Variants in TRPM3 observed in about 807,000 individuals in gnomAD.
TRPM3 encodes the protein long transient receptor potential channel 3.
Under a neutral mutation model 181.2 loss-of-function variants are expected in TRPM3, and 77 were observed. That is an observed-to-expected ratio of 0.42 (90% CI 0.35 to 0.51). TRPM3 has a LOEUF of 0.51. Ranked by LOEUF, TRPM3 falls within the 20% of genes least tolerant of loss-of-function variation. The pLI is 0.01. For synonymous variants in TRPM3, 745 were observed against 796.4 expected (o/e 0.94, Z 1.09); for missense variants, 1,759 against 2,196.7 (o/e 0.80, Z 3.98).
chr9:70,918,340 T>C (rs879867037), intron 1 of TRPM3, among the ~76,000 whole-genome samples: 3 of 152,136 alleles, frequency 2.0e-5, no homozygotes, highest in Non-Finnish European at 4.4e-5. Flanking sequence ...CCTCAACACA[T>C]GGATCATTCT....
chr9:70,601,455 G>A (rs959327844), intron 20 of TRPM3, among the ~76,000 whole-genome samples: 3 of 152,102 alleles, frequency 2.0e-5, no homozygotes, highest in South Asian at 2.1e-4. Flanking sequence ...GAGGTCCTGC[G>A]TGCTGACTGT....
At chr9:70,894,781 T>C (rs2096259190) in intron 1 of TRPM3, among the ~76,000 whole-genome samples, 1 of 152,214 alleles carries the variant, frequency 6.6e-6, no homozygotes, top group Non-Finnish European at 1.5e-5. Context: ...AGTAGTATCA[T>C]AACAACATCA....
intron 1 of TRPM3, among the ~76,000 whole-genome samples, chr9:71,013,203 GATA>G (rs1299216706): frequency 1.3e-5 from 2 of 151,956 alleles, no homozygotes; most frequent in Non-Finnish European, 2.9e-5. Flanking sequence ...TTTCTTTGGA[GATA>G]ATATGACTTT....
chr9:71,329,841 T>C (rs958253636), intron 1 of TRPM3, among the ~76,000 whole-genome samples: 1 of 152,208 alleles, frequency 6.6e-6, no homozygotes, highest in African/African-American at 2.4e-5. Context: ...AGGAGGATTC[T>C]TGAGCACCTG....
intron 21 of TRPM3, among the ~76,000 whole-genome samples, chr9:70,591,997 G>A (rs936704744): frequency 3.3e-5 from 5 of 152,106 alleles, no homozygotes; most frequent in African/African-American, 7.2e-5. Context: ...AATCCTCCAG[G>A]CTGCTCTCTA....
At chr9:70,903,440 C>T (rs1213870921) in intron 1 of TRPM3, among the ~76,000 whole-genome samples, 1 of 152,034 alleles carries the variant, frequency 6.6e-6, no homozygotes, top group African/African-American at 2.4e-5. Flanking sequence ...GTGAATGGAG[C>T]TTCCATCCAT....
At chr9:70,755,106 G>A (rs1475981873) in intron 8 of TRPM3, among the ~76,000 whole-genome samples, 1 of 152,064 alleles carries the variant, frequency 6.6e-6, no homozygotes, top group Non-Finnish European at 1.5e-5. Flanking sequence ...CCCGGATGTG[G>A]AGATAAATTG....
At chr9:70,610,511 C>CACTT (rs1175169013) in intron 19 of TRPM3, 98 bp downstream of exon 19, 6 of 1,418,532 alleles carry the variant, frequency 4.2e-6, no homozygotes, top group East Asian at 2.3e-5. Context: ...CTGTGTGTGG[C>CACTT]ACTTACGACT....
intron 1 of TRPM3, among the ~76,000 whole-genome samples, chr9:71,422,649 G>A (rs561269698): frequency 3.3e-5 from 5 of 152,032 alleles, no homozygotes; most frequent in African/African-American, 9.6e-5. Flanking sequence ...AATGAAAAAC[G>A]TTTCCAGGAT....
intron 1 of TRPM3, among the ~76,000 whole-genome samples, chr9:71,416,026 T>A (rs1207740186): frequency 6.7e-6 from 1 of 150,338 alleles, no homozygotes; most frequent in Admixed American, 6.6e-5. Flanking sequence ...TTTTTTTTTT[T>A]ACTTTCCATT....
chr9:71,388,097 G>A (rs2092970165), intron 1 of TRPM3, among the ~76,000 whole-genome samples: 1 of 152,046 alleles, frequency 6.6e-6, no homozygotes, highest in Non-Finnish European at 1.5e-5. Flanking sequence ...CCACTGTCAG[G>A]AAGATCTTGG....
chr9:70,676,452 G>A (rs1163319250), intron 9 of TRPM3, among the ~76,000 whole-genome samples: 1 of 152,148 alleles, frequency 6.6e-6, no homozygotes, highest in South Asian at 2.1e-4. Context: ...TGGAGCAAGA[G>A]GTTTATGCTG....
At chr9:70,682,521 C>T (rs1412796838) in intron 8 of TRPM3, among the ~76,000 whole-genome samples, 4 of 152,006 alleles carry the variant, frequency 2.6e-5, no homozygotes, top group African/African-American at 9.7e-5. Flanking sequence ...TTGTATTTCA[C>T]CCTAGAACAA....
intron 1 of TRPM3, among the ~76,000 whole-genome samples, chr9:71,162,723 TAG>T (rs1491013890): frequency 3.3e-5 from 5 of 152,182 alleles, no homozygotes; most frequent in African/African-American, 1.2e-4. Context: ...AAACTTTCAT[TAG>T]TTACCTACTA....
At position 71,417,036 on chromosome 9, in the gene TRPM3, A is replaced by G. The variant is rs141372802; in HGVS notation, c.183+29617T>C. Among the ~76,000 whole-genome samples, 1,269 of 152,104 alleles carry G rather than the reference A, an allele frequency of 8.3e-3. 9 individuals carry two copies. Among genetic ancestry groups the G allele is most frequent in the Admixed American group, 0.018 (274 of 15,248 alleles). ...TTTTTATTGCTGAATATTTCATTGTAGAGATATATCACAATTCATTTGTTT... is the reference window on the plus strand; with the variant it reads ...TTTTTATTGCTGAATATTTCATTGTGGAGATATATCACAATTCATTTGTTT... On this transcript the variant is annotated intron_variant, in intron 1 of 24. Coordinates refer to the TRPM3 transcript ENST00000357533.
chr9:71,331,971 AG>A (rs1468770847), intron 1 of TRPM3, among the ~76,000 whole-genome samples: 1 of 145,460 alleles, frequency 6.9e-6, no homozygotes, highest in Non-Finnish European at 1.5e-5. Flanking sequence ...AGGGAGGAGG[AG>A]GAGAAGGAGG....
At chr9:70,670,231 C>T (rs1341930224) in intron 9 of TRPM3, among the ~76,000 whole-genome samples, 2 of 152,322 alleles carry the variant, frequency 1.3e-5, no homozygotes, top group East Asian at 3.9e-4. Context: ...ATTATTAATA[C>T]TGCCAACTTT....
chr9:71,104,770 T>C (rs2069137854), intron 1 of TRPM3, among the ~76,000 whole-genome samples: 1 of 152,080 alleles, frequency 6.6e-6, no homozygotes, highest in Admixed American at 6.6e-5. Flanking sequence ...TAGGGAAATG[T>C]GAATTATAAT....
intron 1 of TRPM3, among the ~76,000 whole-genome samples, chr9:71,070,836 G>C (rs2062666745): frequency 6.6e-6 from 1 of 152,100 alleles, no homozygotes; most frequent in African/African-American, 2.4e-5. Flanking sequence ...AGTGGGGCTG[G>C]AGCTTTTTTC....
Sources: gnomAD v4.1 joint callset for allele counts (sites outside exome capture counted in the v4.1 genomes callset) on GRCh38, gnomAD v4.1.1 for gene constraint, MANE v1.5 for transcripts, NCBI Gene and HGNC (gene_info 2026-07-23, HGNC 2026-07-21) for gene names.